The following EVC variants were observed in gnomAD, a reference collection of about 807,000 sequenced individuals.
EVC encodes the protein EvC ciliary complex subunit 1.
EVC carries 116 observed loss-of-function variants against 118.9 expected under a neutral mutation model. That is an observed-to-expected ratio of 0.98 (90% CI 0.84 to 1.14). The LOEUF is 1.14. Among genes scored for constraint, EVC ranks in the 50% most tolerant of loss-of-function variants. The pLI, the probability that EVC is intolerant of heterozygous loss-of-function variation, is 0.00. For synonymous variants in EVC, 619 were observed against 534.7 expected (o/e 1.16, Z -2.18); for missense variants, 1,401 against 1,246.4 (o/e 1.12, Z -1.87).
At chr4:5,828,697 CAG>C in the EVC span, 1 of 1,606,994 alleles carries the variant, frequency 6.2e-7, no homozygotes, top group Non-Finnish European at 8.5e-7. Flanking sequence ...TGTTACTTCC[CAG>C]GATTTGCTCT....
At chr4:5,815,439 G>A (rs1318064938), downstream of EVC, among the ~76,000 whole-genome samples, 2 of 152,204 alleles carry the variant, frequency 1.3e-5, no homozygotes, top group African/African-American at 2.4e-5. Context: ...AGGTCCAGGT[G>A]CTTCCACACC....
chr4:5,712,852 C>T (rs1243497020), intron 1 of EVC, among the ~76,000 whole-genome samples: 1 of 152,162 alleles, frequency 6.6e-6, no homozygotes, highest in African/African-American at 2.4e-5. Context: ...AGAGACTTGG[C>T]TGGGTGTCCT....
In EVC at chr4:5,743,762, C is replaced by T. The variant is rs1337413485; in HGVS notation, c.802-1442C>T. The stretch of plus-strand genomic sequence containing the variant: ...GTCATGGTCCTCAGGCAGTGCACGT[C>T]GTGCTTGACATACATTATTTCATTT... On this transcript the variant is annotated intron_variant, in intron 6 of 20. Coordinates refer to ENST00000264956, the MANE Select transcript of EVC (RefSeq NM_153717.3). This position sits in a 1 kb window ranked among gnomAD's most constrained non-coding sequence, Gnocchi z 4.7. 1.3e-5 allele frequency among the ~76,000 whole-genome samples: 2 copies of T among 152,202 alleles called. No homozygotes were observed. The highest frequency in any genetic ancestry group is 4.8e-5 in the African/African-American group (2 of 41,458).
intron 11 of EVC, among the ~76,000 whole-genome samples, chr4:5,761,433 G>A (rs1477962512): frequency 6.9e-6 from 1 of 144,920 alleles, no homozygotes; most frequent in Non-Finnish European, 1.5e-5. Flanking sequence ...TCACAGACTT[G>A]GCTGTTTTTT....
At chr4:5,821,905 G>T in the EVC span, 125 of 1,354,246 alleles carry the variant, frequency 9.2e-5, no homozygotes, top group Non-Finnish European at 1.2e-4. The surrounding 1 kb of genome is among the most constrained non-coding windows in gnomAD (Gnocchi z 4.4). Flanking sequence ...TCAGTTCCAC[G>T]CTGCTCCTGG....
the EVC span, among the ~76,000 whole-genome samples, chr4:5,827,646 A>G: frequency 9.2e-5 from 14 of 152,112 alleles, no homozygotes; most frequent in African/African-American, 2.2e-4. Context: ...CAACACACGC[A>G]CACACATCCC....
chr4:5,793,446 G>C, intron 12 of EVC, 162 bp from the exon 13 acceptor site: 1 of 720,468 alleles, frequency 1.4e-6, no homozygotes, highest in Non-Finnish European at 2.5e-6. Context: ...AGATTTTAAG[G>C]TTTTAGAAGA....
intron 6 of EVC, among the ~76,000 whole-genome samples, chr4:5,744,761 A>G (rs1729099912): frequency 6.6e-6 from 1 of 152,118 alleles, no homozygotes; most frequent in Non-Finnish European, 1.5e-5. Context: ...GCCCATCACA[A>G]ACAGGAAGAG....
At chr4:5,818,709 G>A (rs1431614930), downstream of EVC, among the ~76,000 whole-genome samples, 1 of 152,172 alleles carries the variant, frequency 6.6e-6, no homozygotes, top group African/African-American at 2.4e-5. Flanking sequence ...TTAGGACTCT[G>A]CAGAGTCCCC....
chr4:5,825,971 CAA>C, the EVC span: 1 of 391,112 alleles, frequency 2.6e-6, no homozygotes, highest in African/African-American at 2.4e-5. This position sits in a 1 kb window ranked among gnomAD's most constrained non-coding sequence, Gnocchi z 4.4. Context: ...CATGCAGTAA[CAA>C]AACAGGCCTA....
At chr4:5,773,260 G>C (rs1056127517) in intron 11 of EVC, among the ~76,000 whole-genome samples, 1 of 152,152 alleles carries the variant, frequency 6.6e-6, no homozygotes, top group Non-Finnish European at 1.5e-5. Flanking sequence ...CAAGACACCG[G>C]GAAACCCAGG....
intron 11 of EVC, among the ~76,000 whole-genome samples, chr4:5,775,458 A>T (rs1734583820): frequency 1.3e-5 from 2 of 152,150 alleles, no homozygotes; most frequent in African/African-American, 4.8e-5. Flanking sequence ...TTTGATTTAC[A>T]GTTGTAAATC....
intron 11 of EVC, among the ~76,000 whole-genome samples, chr4:5,776,291 G>A (rs572931376): frequency 6.6e-6 from 1 of 152,134 alleles, no homozygotes; most frequent in African/African-American, 2.4e-5. Context: ...GTCTAGTCAT[G>A]TTTTGTTTTC....
intron 2 of EVC, among the ~76,000 whole-genome samples, chr4:5,723,610 G>A (rs548859609): frequency 6.6e-6 from 1 of 152,152 alleles, no homozygotes; most frequent in African/African-American, 2.4e-5. Flanking sequence ...TTTCTCCCCT[G>A]TTTGTAGGAA....
intron 11 of EVC, among the ~76,000 whole-genome samples, chr4:5,767,813 G>A (rs1733181486): frequency 6.6e-6 from 1 of 152,152 alleles, no homozygotes; most frequent in Admixed American, 6.5e-5. Context: ...GCACTCCCTA[G>A]TGAGATGAAC....
At chr4:5,806,980 CTTT>C (rs909382663) in intron 17 of EVC, among the ~76,000 whole-genome samples, 1 of 151,952 alleles carries the variant, frequency 6.6e-6, no homozygotes, top group Non-Finnish European at 1.5e-5. Context: ...ATTTGTGTGT[CTTT>C]TTTTTAAGAA....
rs1184354085 is a variant in EVC at position 5,737,034 on chromosome 4, AG to A, written c.702+3600del. 6.6e-6 allele frequency among the ~76,000 whole-genome samples: 1 copy of A among 152,216 alleles called. No individual in the cohort carries two copies. The highest frequency in any genetic ancestry group is 1.5e-5 in the Non-Finnish European group (1 of 68,044). ...AGCCAAGTTGTGAATGCAAAGAAAA[AG>A]TTCTTGAAGGAAATTAAAAGTGCTA... On this transcript the variant is annotated intron_variant, in intron 5 of 20. Transcript: ENST00000264956. The surrounding 1 kb of genome is among the most constrained non-coding windows in gnomAD (Gnocchi z 5.0).
rs950225821 is a variant in EVC, at chr4:5,793,613, G to T, written c.1782G>T (p.Trp594Cys). The T allele has an allele frequency of 6.4e-7, 1 of 1,551,990 alleles. No homozygotes were observed. The highest frequency in any genetic ancestry group is 8.7e-7 in the Non-Finnish European group (1 of 1,147,154). The change falls in exon 13 of 21, where the codon TGG becomes TGT. Residue 594 changes from tryptophan (W) to cysteine (C), a missense_variant. Transcript: ENST00000264956. Reference protein sequence around the residue: ...QELLEQDQQVWMEECALSSVL... With the variant: ...QELLEQDQQVCMEECALSSVL... The stretch of plus-strand genomic sequence containing the variant: ...TCCCTCTGTCCCGAGTTCAGGTGTG[G>T]ATGGAGGAGTGTGCGCTGTCCAGCG...
At position 5,746,568 on chromosome 4, in the gene EVC, G is replaced by T. The variant is rs1729383790; in HGVS notation, c.939+1227G>T. 6.6e-6 allele frequency among the ~76,000 whole-genome samples: 1 copy of T among 152,184 alleles called. No individual in the cohort carries two copies. The highest frequency in any genetic ancestry group is 2.1e-4 in the South Asian group (1 of 4,810). ...CCAGGTTAGAGGACTTTGAGGGCCA[G>T]AATGTTCTTAGAACTGTGGGCCAGG... is the stretch of plus-strand genomic sequence containing the variant. On this transcript the variant is annotated intron_variant, in intron 7 of 20. Coordinates refer to ENST00000264956, the MANE Select transcript of EVC (RefSeq NM_153717.3). The surrounding 1 kb of genome is among the most constrained non-coding windows in gnomAD (Gnocchi z 5.8).
Sources: allele counts gnomAD v4.1 joint callset (sites outside exome capture counted in the v4.1 genomes callset), GRCh38; gene constraint gnomAD v4.1.1; non-coding constraint Gnocchi (gnomAD v3.1); transcripts MANE v1.5; gene names NCBI Gene and HGNC (gene_info 2026-07-23, HGNC 2026-07-21).